GOT1: variants seen among roughly 807,000 people sequenced by gnomAD.
GOT1 encodes the protein aspartate aminotransferase, cytoplasmic.
In GOT1, 25 loss-of-function variants were observed where a neutral mutation model predicts 48.2. That is an observed-to-expected ratio of 0.52 (90% CI 0.38 to 0.72). The LOEUF (loss-of-function observed/expected upper bound fraction) is 0.72. GOT1 is among the 30% of genes least tolerant of loss of function. GOT1 has a pLI of 0.00. For synonymous variants in GOT1, 188 were observed against 193.8 expected, an observed-to-expected ratio of 0.97 and a Z score of 0.25; for missense variants, 380 against 520.1, an observed-to-expected ratio of 0.73 and a Z score of 2.62.
chr10:99,401,615 C>T (rs1030146147), intron 8 of GOT1, among the ~76,000 whole-genome samples: 3 of 150,382 alleles, frequency 2.0e-5, no homozygotes, highest in Non-Finnish European at 4.4e-5. Flanking sequence ...TGCAGTGAGT[C>T]GAGATCACAC....
chr10:99,425,842 G>T (rs577469064), intron 1 of GOT1, among the ~76,000 whole-genome samples: 1 of 152,270 alleles, frequency 6.6e-6, no homozygotes, highest in East Asian at 1.9e-4. Flanking sequence ...GTCCACTGTA[G>T]GCCTGACATT....
In GOT1 at chr10:99,406,829, C is replaced by A. The variant is rs1228273325; in HGVS notation, c.321G>T (p.Leu107Phe). 7.4e-6 allele frequency: 12 copies of A among 1,613,950 alleles called. No individual in the cohort carries two copies. The highest frequency in any genetic ancestry group is 9.3e-6 in the Non-Finnish European group (11 of 1,179,836). The part of the protein sequence containing the change: ...KEKRVGGVQS[L>F]GGTGALRIGA... ...CAATTCGAAGTGCACCTGTTCCCCC[C>A]AAAGATTGCACACCTCCTACCTGAA... The change falls in exon 3 of 9, where the codon TTG (leucine) becomes TTT (phenylalanine). Residue 107 changes from leucine to phenylalanine, a missense_variant. By Grantham distance (22) the Leu-to-Phe change is conservative (BLOSUM62 0). Transcript: ENST00000370508.
intron 5 of GOT1, 40 bp from the exon 6 acceptor site, chr10:99,403,914 T>G: frequency 1.9e-6 from 3 of 1,608,306 alleles, no homozygotes; most frequent in Non-Finnish European, 2.5e-6. Flanking sequence ...GAAATCCTTC[T>G]GGCACCAACC....
At chr10:99,407,441 T>C (rs1306358615) in intron 2 of GOT1, among the ~76,000 whole-genome samples, 3 of 151,894 alleles carry the variant, frequency 2.0e-5, no homozygotes, top group African/African-American at 7.3e-5. Flanking sequence ...CATTTTTTTT[T>C]TTTTTCTTTT....
At chr10:99,402,786 A>T in intron 7 of GOT1, 64 bp from the exon 8 acceptor site, 2 of 1,395,590 alleles carry the variant, frequency 1.4e-6, no homozygotes, top group Admixed American at 1.7e-5. Context: ...GAAAACACAC[A>T]GGTTTAAAAA....
chr10:99,403,225 T>G (rs371539453), intron 7 of GOT1, among the ~76,000 whole-genome samples: 2 of 150,668 alleles, frequency 1.3e-5, no homozygotes, highest in African/African-American at 4.9e-5. Flanking sequence ...GAAGACTGGG[T>G]GGGGGGGGAA....
intron 2 of GOT1, among the ~76,000 whole-genome samples, chr10:99,417,724 A>G (rs1405682389): frequency 6.6e-6 from 1 of 152,230 alleles, no homozygotes; most frequent in Non-Finnish European, 1.5e-5. Context: ...TGTGGCACAT[A>G]TAAAAGGATG....
intron 1 of GOT1, among the ~76,000 whole-genome samples, chr10:99,421,980 C>T (rs543616337): frequency 7.1e-4 from 108 of 152,112 alleles, no homozygotes; most frequent in African/African-American, 2.6e-3. Flanking sequence ...TTATAATTAA[C>T]ATGTGATTGT....
At position 99,411,679 on chromosome 10, in the gene GOT1, C is replaced by G. The variant is rs543862217; in HGVS notation, c.301-4830G>C. ...AAGATTACATTTAGAGTCTGTTCCT[C>G]TCCCCGAAACTGAATGCAAGGGCAG... is the stretch of plus-strand genomic sequence containing the variant. On this transcript the variant is annotated intron_variant, in intron 2 of 8. Coordinates refer to ENST00000370508, the MANE Select transcript of GOT1 (RefSeq NM_002079.3). 2.0e-5 allele frequency among the ~76,000 whole-genome samples: 3 copies of G among 152,334 alleles called. No individual in the cohort carries two copies. The South Asian group carries it at 6.2e-4, about 32-fold the overall frequency.
Position 99,410,308 on chromosome 10 carries a change from G to A in GOT1, c.301-3459C>T, listed in dbSNP as rs960917914. The stretch of plus-strand genomic sequence containing the variant: ...CATTGCAGATACCTAAGCCACTCTA[G>A]AGTGCTAATACTTCCTAAGCAAATG... On this transcript the variant is annotated intron_variant, in intron 2 of 8. Coordinates refer to ENST00000370508, the MANE Select transcript of GOT1 (RefSeq NM_002079.3). Among the ~76,000 whole-genome samples the A allele has an allele frequency of 7.9e-5, 12 of 152,260 alleles. No homozygotes were observed. The East Asian group carries it at 2.3e-3, about 29-fold the overall frequency.
chr10:99,418,154 G>C (rs1037563020), intron 2 of GOT1, among the ~76,000 whole-genome samples: 5 of 151,848 alleles, frequency 3.3e-5, no homozygotes, highest in African/African-American at 1.2e-4. Flanking sequence ...TATCCAAAAA[G>C]TATATCTTCA....
At chr10:99,415,687 T>A (rs1318501413) in intron 2 of GOT1, among the ~76,000 whole-genome samples, 2 of 151,816 alleles carry the variant, frequency 1.3e-5, no homozygotes, top group African/African-American at 4.8e-5. Flanking sequence ...GACGCAAAAA[T>A]CCTCAATAAA....
intron 7 of GOT1, among the ~76,000 whole-genome samples, chr10:99,402,976 C>A (rs575593694): frequency 6.6e-6 from 1 of 152,278 alleles, no homozygotes; most frequent in South Asian, 2.1e-4. Flanking sequence ...ACTCACATTT[C>A]AACTCAGGCT....
intron 2 of GOT1, among the ~76,000 whole-genome samples, chr10:99,407,828 T>C (rs978258408): frequency 1.3e-5 from 2 of 152,020 alleles, no homozygotes; most frequent in Non-Finnish European, 2.9e-5. Context: ...AGTTCTGGGA[T>C]ATGTGTGCAG....
chr10:99,422,687 C>G (rs2032986433), intron 1 of GOT1, among the ~76,000 whole-genome samples: 1 of 152,190 alleles, frequency 6.6e-6, no homozygotes, highest in South Asian at 2.1e-4. Context: ...ATCCTTCCTG[C>G]ATTTCCCTAT....
intron 5 of GOT1, among the ~76,000 whole-genome samples, chr10:99,405,173 C>G (rs1256712237): frequency 6.6e-6 from 1 of 152,180 alleles, no homozygotes; most frequent in Non-Finnish European, 1.5e-5. Context: ...CAATACACAG[C>G]AGTTCCTTAA....
At chr10:99,404,631 G>T (rs1470898314) in intron 5 of GOT1, among the ~76,000 whole-genome samples, 1 of 151,962 alleles carries the variant, frequency 6.6e-6, no homozygotes, top group Non-Finnish European at 1.5e-5. Flanking sequence ...CTGCTCCCAC[G>T]GCCTGTCTAG....
intron 2 of GOT1, among the ~76,000 whole-genome samples, chr10:99,413,217 A>G (rs10883341): frequency 0.46 from 70,123 of 152,074 alleles, 18,841 homozygotes; most frequent in Non-Finnish European, 0.6. Flanking sequence ...ATGGCTAACT[A>G]GAATAACCAA....
In GOT1 at chr10:99,397,656, T is replaced by TC; in HGVS notation, c.1132_1133insG (p.Lys378ArgfsTer30). 6.2e-7 allele frequency: 1 copy of TC among 1,614,082 alleles called. No homozygotes were observed. Among genetic ancestry groups the TC allele is most frequent in the Admixed American group, 1.7e-5 (1 of 60,028 alleles). ...ACCACTTGGCAGCAGGTAGATGTGC[T>TC]TTTCATTGACCAGATACTCAACCTG... On this transcript the variant is annotated frameshift_variant, in exon 9 of 9. Transcript: ENST00000370508. LOFTEE classifies it high-confidence loss of function. The surrounding 1 kb of genome is among the most constrained non-coding windows in gnomAD (Gnocchi z 5.4).
Sources: gnomAD v4.1 joint callset for allele counts (sites outside exome capture counted in the v4.1 genomes callset) on GRCh38, gnomAD v4.1.1 for gene constraint, Gnocchi (gnomAD v3.1) non-coding constraint, MANE v1.5 for transcripts, NCBI Gene and HGNC (gene_info 2026-07-23, HGNC 2026-07-21) for gene names.